DUSP26: variants seen among roughly 807,000 people sequenced by gnomAD.
DUSP26 encodes dual specificity phosphatase 26.
Under a neutral mutation model 20.0 loss-of-function variants are expected in DUSP26, and 12 were observed. The ratio of observed to expected loss-of-function variants is 0.60; its 90% CI spans 0.38 to 0.97. The LOEUF (loss-of-function observed/expected upper bound fraction) is 0.97, where lower values mean the gene tolerates loss of function less well. Ranked by LOEUF, DUSP26 falls within the 50% of genes least tolerant of loss-of-function variation. DUSP26 has a pLI of 0.00. For synonymous variants in DUSP26, 120 were observed against 118.8 expected (o/e 1.01, Z -0.06); for missense variants, 230 against 294.0 (o/e 0.78, Z 1.59).
chr8:33,598,626 G>A (rs923329563), intron 1 of DUSP26, among the ~76,000 whole-genome samples: 4 of 152,068 alleles, frequency 2.6e-5, no homozygotes, highest in African/African-American at 4.8e-5. Context: ...TACAAAACAC[G>A]AGGTCAATAA....
intron 1 of DUSP26, among the ~76,000 whole-genome samples, chr8:33,598,861 G>C (rs1811209293): frequency 6.6e-6 from 1 of 152,140 alleles, no homozygotes. Context: ...CTCCTGCCAG[G>C]GGGACTTCAA....
Position 33,597,351 on chromosome 8 carries a change from G to C in DUSP26, c.165C>G (p.Gly55=). Residue 55 remains glycine (G), a synonymous_variant, in exon 2 of 4, where the codon GGC becomes GGG. Coordinates refer to ENST00000256261, the MANE Select transcript of DUSP26 (RefSeq NM_024025.3). ...VFELERLLYT[G]KTACNHADEV... is the part of the protein sequence containing the mutation. Reference sequence around the variant, plus strand: ...CGTCGGCATGGTTACAGGCTGTCTTGCCTGTGTAGAGGAGCCGCTCCAACT... The same window carrying C: ...CGTCGGCATGGTTACAGGCTGTCTTCCCTGTGTAGAGGAGCCGCTCCAACT... 1.2e-6 allele frequency: 2 copies of C among 1,613,970 alleles called. No homozygotes were observed. Among genetic ancestry groups the C allele is most frequent in the East Asian group, 4.5e-5 (2 of 44,870 alleles).
chr8:33,593,639 G>A lies in DUSP26; in HGVS notation c.330C>T (p.Gly110=), dbSNP rs11545083. 6.2e-7 allele frequency: 1 copy of A among 1,614,214 alleles called. No individual in the cohort carries two copies. Among genetic ancestry groups the A allele is most frequent in the Non-Finnish European group, 8.5e-7 (1 of 1,180,048 alleles). ...GGGCCTCAACACCCAGGTAGCGGAT[G>A]CCCAGCCCCTCATAGGCCTCGGGCG... ...RGTPEAYEGL[G]IRYLGVEAHD... The change falls in exon 3 of 4, where the codon GGC becomes GGT. Residue 110 remains glycine, a synonymous_variant. Coordinates refer to ENST00000256261, the MANE Select transcript of DUSP26 (RefSeq NM_024025.3).
intron 1 of DUSP26, among the ~76,000 whole-genome samples, 179 bp downstream of exon 1, chr8:33,599,486 G>C (rs1017674498): frequency 2.0e-5 from 3 of 152,156 alleles, no homozygotes; most frequent in Admixed American, 6.5e-5. Context: ...CCCAGTCCTC[G>C]CCAGCCTGGC....
intron 1 of DUSP26, chr8:33,597,882 T>TACACACACACACACACACACACAC (rs150976098): frequency 0.033 from 5,089 of 152,718 alleles, 221 homozygotes; most frequent in African/African-American, 0.051. Context: ...CCAGCACGCA[T>TACACACACACACACACACACACAC]ACACACACAC....
chr8:33,597,413 T>A lies in DUSP26; in HGVS notation c.103A>T (p.Met35Leu), dbSNP rs773546850. 17 of 1,614,090 alleles carry A rather than the reference T, an allele frequency of 1.1e-5. No homozygotes were observed. Among genetic ancestry groups the A allele is most frequent in the Non-Finnish European group, 1.4e-5 (17 of 1,180,012 alleles). Residue 35 changes from methionine to leucine, a missense_variant, in exon 2 of 4, where the codon ATG (methionine) becomes TTG (leucine). Coordinates refer to ENST00000256261, the MANE Select transcript of DUSP26 (RefSeq NM_024025.3). Reference protein sequence around the residue: ...PVRTRGTLEEMPTVQHPFLNV... With the variant: ...PVRTRGTLEELPTVQHPFLNV... ...AGGAAAGGATGTTGAACGGTTGGCA[T>A]CTCCTCCAGGGTCCCTCGAGTTCGA...
chr8:33,598,786 G>A (rs1432021327), intron 1 of DUSP26, among the ~76,000 whole-genome samples: 1 of 152,032 alleles, frequency 6.6e-6, no homozygotes, highest in Non-Finnish European at 1.5e-5. Flanking sequence ...CACACCTGTG[G>A]TCCTGCCTGT....
At position 33,597,348 on chromosome 8, in the gene DUSP26, C is replaced by A; in HGVS notation, c.168G>T (p.Lys56Asn). 1 of 1,613,938 alleles carries A rather than the reference C, an allele frequency of 6.2e-7. No individual in the cohort carries two copies. The highest frequency in any genetic ancestry group is 8.5e-7 in the Non-Finnish European group (1 of 1,180,004). ...FELERLLYTGKTACNHADEVW... is the reference protein window; with the variant it reads ...FELERLLYTGNTACNHADEVW... Reference sequence around the variant, plus strand: ...CCTCGTCGGCATGGTTACAGGCTGTCTTGCCTGTGTAGAGGAGCCGCTCCA... The same window carrying A: ...CCTCGTCGGCATGGTTACAGGCTGTATTGCCTGTGTAGAGGAGCCGCTCCA... Residue 56 changes from lysine (K) to asparagine (N), a missense_variant, in exon 2 of 4, where the codon AAG becomes AAT. Physicochemically the swap from Lys to Asn is moderately conservative, Grantham distance 94. Coordinates refer to ENST00000256261, the MANE Select transcript of DUSP26 (RefSeq NM_024025.3).
At chr8:33,595,384 T>G (rs1049067104) in intron 2 of DUSP26, among the ~76,000 whole-genome samples, 12 of 151,750 alleles carry the variant, frequency 7.9e-5, no homozygotes, top group South Asian at 2.1e-4. Flanking sequence ...TTGTTTGTTT[T>G]TTTTTTTGAG....
chr8:33,596,398 T>C (rs1222311774), intron 2 of DUSP26, among the ~76,000 whole-genome samples: 1 of 151,866 alleles, frequency 6.6e-6, no homozygotes, highest in South Asian at 2.1e-4. Context: ...GGCAACACGG[T>C]GAAACCCCGT....
intron 1 of DUSP26, among the ~76,000 whole-genome samples, chr8:33,598,269 A>G (rs1412556116): frequency 2.0e-5 from 3 of 152,154 alleles, no homozygotes; most frequent in African/African-American, 7.2e-5. Flanking sequence ...AGCTTATGGA[A>G]GAAGGCACCA....
At position 33,591,798 on chromosome 8, in the gene DUSP26, G is replaced by A. The variant is rs1422504903; in HGVS notation, c.*215C>T. On this transcript the variant is annotated 3_prime_UTR_variant, in exon 4 of 4. Transcript: ENST00000256261. Reference sequence around the variant, plus strand: ...TACAGCCTAGCTGCCTCCTTCCCTGGTCAACCCTTCCTGGGTGCCCATCCA... The same window carrying A: ...TACAGCCTAGCTGCCTCCTTCCCTGATCAACCCTTCCTGGGTGCCCATCCA... The A allele has an allele frequency of 5.2e-6, 3 of 581,628 alleles. No individual in the cohort carries two copies. Among genetic ancestry groups the A allele is most frequent in the African/African-American group, 3.8e-5 (2 of 52,708 alleles). 36.0% of individuals were successfully genotyped at this position (581,628 alleles called of 1,614,324 possible). A position where few individuals can be genotyped will look rare whatever the true frequency, so the allele number is the denominator to read the frequency against.
intron 2 of DUSP26, among the ~76,000 whole-genome samples, chr8:33,595,422 G>A (rs1811120456): frequency 6.7e-6 from 1 of 149,996 alleles, no homozygotes; most frequent in Non-Finnish European, 1.5e-5. Context: ...CACCTAGGCT[G>A]GAGTGCTAGA....
In DUSP26 at chr8:33,597,284, C is replaced by T. The variant is rs150109623; in HGVS notation, c.221+11G>A. 2 of 1,604,616 alleles carry T rather than the reference C, an allele frequency of 1.2e-6. No individual in the cohort carries two copies. Among genetic ancestry groups the T allele is most frequent in the South Asian group, 1.1e-5 (1 of 89,868 alleles). On this transcript the variant is annotated intron_variant, in intron 2 of 3. Coordinates refer to ENST00000256261, the MANE Select transcript of DUSP26 (RefSeq NM_024025.3). Reference sequence around the variant, plus strand: ...ACGCTCTACCGTGGGCCCAGTCTGCCCGATACATACTGGTCTCCGAGATAG... The same window carrying T: ...ACGCTCTACCGTGGGCCCAGTCTGCTCGATACATACTGGTCTCCGAGATAG...
chr8:33,597,584 A>G lies in DUSP26; in HGVS notation c.-69T>C, dbSNP rs1336242730. The G allele has an allele frequency of 5.7e-6, 8 of 1,403,162 alleles. No individual in the cohort carries two copies. Among genetic ancestry groups the G allele is most frequent in the South Asian group, 1.3e-5 (1 of 75,858 alleles). 86.9% of individuals were successfully genotyped at this position (1,403,162 alleles called of 1,614,324 possible). ...GTGATGATGGGTTCAGTTGCCAGGT[A>G]GCTGCTGCTGGAAGAGGAAGGGGTG... On this transcript the variant is annotated 5_prime_UTR_variant, in exon 2 of 4. Transcript: ENST00000256261.
Position 33,593,757 on chromosome 8 carries a change from G to A in DUSP26, c.222-10C>T, listed in dbSNP as rs1585377390. 14 of 1,613,116 alleles carry A rather than the reference G, an allele frequency of 8.7e-6. No homozygotes were observed. In the East Asian group the frequency reaches 3.1e-4, roughly 36 times the overall value. ...GTTGTTAGCCATGTCCCTGCATTGA[G>A]TAGAGGTTAGAGGAAGGGTGGGAAA... On this transcript the variant is annotated splice_polypyrimidine_tract_variant and intron_variant, in intron 2 of 3. Transcript: ENST00000256261.
intron 3 of DUSP26, 74 bp downstream of exon 3, chr8:33,593,459 C>T: frequency 8.6e-6 from 13 of 1,512,684 alleles, no homozygotes; most frequent in Non-Finnish European, 1.2e-5. Flanking sequence ...AAATCTCACT[C>T]CACTCTCAGA....
chr8:33,599,053 T>C (rs935981539), intron 1 of DUSP26, among the ~76,000 whole-genome samples: 5 of 151,262 alleles, frequency 3.3e-5, no homozygotes, highest in African/African-American at 9.7e-5. Context: ...TGTTAGGGAG[T>C]TTAGGGAGAG....
Position 33,597,471 on chromosome 8 carries a change from G to A in DUSP26, c.45C>T (p.Ala15=), listed in dbSNP as rs750952572. The A allele has an allele frequency of 2.7e-5, 44 of 1,613,860 alleles. No individual in the cohort carries two copies. The highest frequency in any genetic ancestry group is 3.6e-5 in the Non-Finnish European group (43 of 1,179,988). ...NWLWASMTFM[A]RFSRSSSRSP... ...ACCTTGAGCTACTCCGGGAGAAGCG[G>A]GCCATAAAAGTCATAGAAGCCCAAA... The change falls in exon 2 of 4, where the codon GCC becomes GCT. Residue 15 remains alanine, a synonymous_variant. Coordinates refer to ENST00000256261, the MANE Select transcript of DUSP26 (RefSeq NM_024025.3).
Sources: gnomAD v4.1 joint callset for allele counts (sites outside exome capture counted in the v4.1 genomes callset) on GRCh38, gnomAD v4.1.1 for gene constraint, MANE v1.5 for transcripts, NCBI Gene and HGNC (gene_info 2026-07-23, HGNC 2026-07-21) for gene names.